BRCA1: variants seen among roughly 807,000 people sequenced by gnomAD.
The protein encoded by BRCA1 is breast cancer type 1 susceptibility protein.
In BRCA1, 140 loss-of-function variants were observed where a neutral mutation model predicts 173.7. The observed-to-expected ratio is 0.81, with a 90% CI of 0.70 to 0.93. The LOEUF (loss-of-function observed/expected upper bound fraction) is 0.93. Ranked by LOEUF, BRCA1 falls within the 40% of genes least tolerant of loss-of-function variation. The probability of loss-of-function intolerance (pLI) is 0.00; values close to 1 mark genes in which losing one functional copy is unlikely to be tolerated. For missense variants in BRCA1, 1,983 were observed against 2,172.5 expected (o/e 0.91, Z 1.73); for synonymous variants, 662 against 756.0 (o/e 0.88, Z 2.04).
Position 43,045,655 on chromosome 17 carries a change from T to G in BRCA1, c.*23A>C, listed in dbSNP as rs1305255318. 1 of 1,613,744 alleles carries G rather than the reference T, an allele frequency of 6.2e-7. No homozygotes were observed. The highest frequency in any genetic ancestry group is 8.5e-7 in the Non-Finnish European group (1 of 1,179,776). On this transcript the variant is annotated 3_prime_UTR_variant, in exon 23 of 23. Coordinates refer to ENST00000357654, the MANE Select transcript of BRCA1 (RefSeq NM_007294.4). ...AAGCTCATTCTTGGGGTCCTGTGGC[T>G]CTGTACCTGTGGCTGGCTGCAGTCA...
At chr17:43,120,003 T>C (rs1373358397) in intron 2 of BRCA1, among the ~76,000 whole-genome samples, 1 of 152,222 alleles carries the variant, frequency 6.6e-6, no homozygotes, top group Admixed American at 6.5e-5. Context: ...ATGTTTACTA[T>C]AAAAATGATT....
chr17:43,067,065 G>A (rs971922978), intron 16 of BRCA1, among the ~76,000 whole-genome samples: 6 of 151,480 alleles, frequency 4.0e-5, no homozygotes, highest in South Asian at 4.2e-4. Flanking sequence ...TGATCCACCC[G>A]CCTCGGCCTC....
chr17:43,050,982 A>G (rs946011611), intron 20 of BRCA1, 81 bp downstream of exon 20: 29 of 1,372,420 alleles, frequency 2.1e-5, no homozygotes, highest in African/African-American at 1.7e-4. Flanking sequence ...AGGAACCCCC[A>G]TCGTGGGATC....
chr17:43,107,210 G>A (rs1373543463), intron 3 of BRCA1, among the ~76,000 whole-genome samples: 1 of 145,586 alleles, frequency 6.9e-6, no homozygotes, highest in East Asian at 2.1e-4. Flanking sequence ...GACTACAGGC[G>A]CCCAGCACCA....
chr17:43,049,324 A>G lies in BRCA1; in HGVS notation c.5333-130T>C, dbSNP rs774365187. 114 of 833,840 alleles carry G rather than the reference A, an allele frequency of 1.4e-4. No individual in the cohort carries two copies. The highest frequency in any genetic ancestry group is 2.1e-4 in the Non-Finnish European group (103 of 497,740). The allele number at this position is 833,840 out of a possible 1,614,324, so 51.7% of individuals were successfully genotyped here. ...ATGGGAGAGTCTGTCTCTCTGCTCCAAAGGACAATGGTCTTAAAATAGTAG... is the reference window on the plus strand; with the variant it reads ...ATGGGAGAGTCTGTCTCTCTGCTCCGAAGGACAATGGTCTTAAAATAGTAG... On this transcript the variant is annotated intron_variant, in intron 20 of 22. Transcript: ENST00000357654.
intron 12 of BRCA1, among the ~76,000 whole-genome samples, chr17:43,078,117 C>G (rs977353698): frequency 2.0e-5 from 3 of 149,700 alleles, no homozygotes; most frequent in Non-Finnish European, 4.4e-5. Flanking sequence ...CAGAGTCTTG[C>G]TCTGTTACCC....
At chr17:43,048,001 T>G (rs2051008778) in intron 21 of BRCA1, among the ~76,000 whole-genome samples, 2 of 152,122 alleles carry the variant, frequency 1.3e-5, no homozygotes, top group African/African-American at 4.8e-5. Context: ...CTCAAACTCC[T>G]GGGCTCAACT....
At chr17:43,065,274 T>C (rs993278270) in intron 16 of BRCA1, among the ~76,000 whole-genome samples, 5 of 152,180 alleles carry the variant, frequency 3.3e-5, no homozygotes, top group African/African-American at 1.2e-4. Context: ...CCCTGTGGTA[T>C]AATTTTCATG....
At chr17:43,101,641 T>C (rs2054481358) in intron 6 of BRCA1, among the ~76,000 whole-genome samples, 1 of 152,030 alleles carries the variant, frequency 6.6e-6, no homozygotes. Context: ...TAGCTGGGAT[T>C]ACAGGTACGT....
upstream of BRCA1, among the ~76,000 whole-genome samples, chr17:43,126,177 C>T: frequency 6.6e-6 from 1 of 152,210 alleles, no homozygotes; most frequent in Non-Finnish European, 1.5e-5. Context: ...TGGCCCATGT[C>T]TGCGCACTCG....
intron 1 of BRCA1, among the ~76,000 whole-genome samples, chr17:43,158,692 G>A (rs2056213318): frequency 6.6e-6 from 1 of 152,142 alleles, no homozygotes; most frequent in South Asian, 2.1e-4. Flanking sequence ...TTTATTGAGT[G>A]GCAACTAGGT....
At chr17:43,054,412 T>A (rs1310503558) in intron 19 of BRCA1, among the ~76,000 whole-genome samples, 5 of 152,186 alleles carry the variant, frequency 3.3e-5, no homozygotes, top group African/African-American at 1.2e-4. Flanking sequence ...TAAGTTTCTA[T>A]AAAGGGACAG....
rs922908090 is a variant in BRCA1 at position 43,093,267 on chromosome 17, T to C, written c.2264A>G (p.Glu755Gly). 2 of 1,613,968 alleles carry C rather than the reference T, an allele frequency of 1.2e-6. No individual in the cohort carries two copies. Among genetic ancestry groups the C allele is most frequent in the African/African-American group, 2.7e-5 (2 of 74,942 alleles). Residue 755 changes from glutamate to glycine, a missense_variant, in exon 10 of 23, where the codon GAA (glutamate) becomes GGA (glycine). Physicochemically the swap from Glu to Gly is moderately conservative, Grantham distance 98 (BLOSUM62 -2). Coordinates refer to ENST00000357654, the MANE Select transcript of BRCA1 (RefSeq NM_007294.4). ...EDPKDLMLSG[E>G]RVLQTERSVE... ...AGATCTTTCAGTTTGCAAAACCCTT[T>C]CTCCACTTAACATGAGATCTTTGGG...
At chr17:43,136,463 C>T (rs2056025091) in intron 1 of BRCA1, among the ~76,000 whole-genome samples, 1 of 152,170 alleles carries the variant, frequency 6.6e-6, no homozygotes, top group Non-Finnish European at 1.5e-5. Flanking sequence ...AGAGCTTCTG[C>T]ACAGCAAAAG....
At chr17:43,126,124 C>A (rs1485788661), upstream of BRCA1, among the ~76,000 whole-genome samples, 1 of 152,236 alleles carries the variant, frequency 6.6e-6, no homozygotes, top group East Asian at 1.9e-4. Context: ...CCTGCGGGGA[C>A]GCAGTGAGCG....
At chr17:43,125,628 A>G (rs1337466600), upstream of BRCA1, 1 of 266,660 alleles carries the variant, frequency 3.8e-6, no homozygotes, top group Non-Finnish European at 7.5e-6. Flanking sequence ...CCTGCCCTCT[A>G]GCCTCTACTC....
intron 20 of BRCA1, among the ~76,000 whole-genome samples, chr17:43,050,761 A>G (rs1009122755): frequency 5.9e-5 from 9 of 152,152 alleles, no homozygotes; most frequent in Non-Finnish European, 8.8e-5. Context: ...TACCTATCCA[A>G]AGATATTTTC....
intron 1 of BRCA1, chr17:43,144,911 A>G (rs865920953): frequency 3.6e-6 from 2 of 558,678 alleles, no homozygotes; most frequent in African/African-American, 3.8e-5. Flanking sequence ...CTGTAGGCAC[A>G]CCGCGGCCAG....
At chr17:43,146,719 C>T (rs1390011399) in intron 1 of BRCA1, among the ~76,000 whole-genome samples, 1 of 152,074 alleles carries the variant, frequency 6.6e-6, no homozygotes, top group Non-Finnish European at 1.5e-5. Flanking sequence ...AGTAATTTTA[C>T]AGGAGGCCTG....
Sources: gnomAD v4.1 joint callset for allele counts (sites outside exome capture counted in the v4.1 genomes callset) on GRCh38, gnomAD v4.1.1 for gene constraint, MANE v1.5 for transcripts, NCBI Gene and HGNC (gene_info 2026-07-23, HGNC 2026-07-21) for gene names.